The following TTYH3 variants were observed in gnomAD, a reference collection of about 807,000 sequenced individuals.
TTYH3 encodes the protein tweety family member 3.
In TTYH3, 23 loss-of-function variants were observed where a neutral mutation model predicts 68.2. The ratio of observed to expected loss-of-function variants is 0.34; its 90% CI spans 0.24 to 0.48. The LOEUF (loss-of-function observed/expected upper bound fraction) is 0.48, where lower values mean the gene tolerates loss of function less well. Ranked by LOEUF, TTYH3 falls within the 20% of genes least tolerant of loss-of-function variation. The probability of loss-of-function intolerance (pLI) is 0.99; values close to 1 mark genes in which losing one functional copy is unlikely to be tolerated. For synonymous variants in TTYH3, 360 were observed against 332.8 expected, an observed-to-expected ratio of 1.08 and a Z score of -0.89; for missense variants, 768 against 727.7, an observed-to-expected ratio of 1.06 and a Z score of -0.64.
chr7:2,650,850 G>T (rs1241167437), intron 7 of TTYH3, among the ~76,000 whole-genome samples: 1 of 152,012 alleles, frequency 6.6e-6, no homozygotes, highest in Admixed American at 6.6e-5. Context: ...GCAGGGGCTT[G>T]AATAAATGGA....
intron 1 of TTYH3, among the ~76,000 whole-genome samples, chr7:2,643,554 G>A (rs182374295): frequency 6.6e-6 from 1 of 152,220 alleles, no homozygotes; most frequent in African/African-American, 2.4e-5. Context: ...TCCCCACCGG[G>A]CATGGGCGTC....
chr7:2,658,516 C>G lies in TTYH3; in HGVS notation c.1424+57C>G, dbSNP rs949494459. The G allele has an allele frequency of 1.4e-5, 21 of 1,548,666 alleles. 1 individual carries two copies. The Admixed American group carries it at 3.6e-4, about 27-fold the overall frequency. ...GACACGTCAGCTGCGGCTGAGAGCG[C>G]GGATCTGGGCTGGGGCTAGCTCGAG... On this transcript the variant is annotated intron_variant, in intron 12 of 13. Transcript: ENST00000258796.
chr7:2,654,818 T>C (rs6461506), intron 9 of TTYH3, among the ~76,000 whole-genome samples: 25,245 of 152,220 alleles, frequency 0.17, 2,155 homozygotes, highest in Middle Eastern at 0.22. Context: ...AGAGTCTCTC[T>C]CTGTTGCCCA....
chr7:2,653,095 A>C, intron 9 of TTYH3, 85 bp downstream of exon 9: 8 of 1,318,508 alleles, frequency 6.1e-6, no homozygotes, highest in South Asian at 2.6e-5. Context: ...AACACAGCTC[A>C]GGGCAAATTT....
chr7:2,658,870 G>A (rs1786411324), intron 12 of TTYH3, 70 bp from the exon 13 acceptor site: 1 of 1,491,834 alleles, frequency 6.7e-7, no homozygotes. Context: ...CCTACCCATG[G>A]GCCCCCCGAC....
chr7:2,649,942 C>A lies in TTYH3; in HGVS notation c.825C>A (p.Asp275Glu). The A allele has an allele frequency of 6.2e-7, 1 of 1,613,988 alleles. No homozygotes were observed. The highest frequency in any genetic ancestry group is 8.5e-7 in the Non-Finnish European group (1 of 1,179,956). Residue 275 changes from aspartate to glutamate, a missense_variant, in exon 7 of 14, where the codon GAC becomes GAA. Asp to Glu is a conservative substitution (Grantham distance 45, BLOSUM62 2). Transcript: ENST00000258796. ...CCAGCGACTTCTGTGTGGACCCTGACGCCTACGTGACCAAAATGGTGGAGG... is the reference window on the plus strand; with the variant it reads ...CCAGCGACTTCTGTGTGGACCCTGAAGCCTACGTGACCAAAATGGTGGAGG... ...VGSSDFCVDPDAYVTKMVEEY... is the reference protein window; with the variant it reads ...VGSSDFCVDPEAYVTKMVEEY...
At chr7:2,651,976 G>C (rs13225657) in intron 7 of TTYH3, among the ~76,000 whole-genome samples, 1 of 151,964 alleles carries the variant, frequency 6.6e-6, no homozygotes, top group Non-Finnish European at 1.5e-5. Context: ...ACCGGCACAC[G>C]TGCACACGAA....
At chr7:2,642,599 G>A (rs575312950) in intron 1 of TTYH3, among the ~76,000 whole-genome samples, 5 of 150,656 alleles carry the variant, frequency 3.3e-5, no homozygotes, top group African/African-American at 9.7e-5. Flanking sequence ...GTGGTGATAT[G>A]TGCCTGTGGT....
chr7:2,654,622 T>G (rs1285721536), intron 9 of TTYH3, among the ~76,000 whole-genome samples: 1 of 152,132 alleles, frequency 6.6e-6, no homozygotes, highest in Non-Finnish European at 1.5e-5. Flanking sequence ...GCAGCCCAGA[T>G]GGGGCAGCCT....
intron 11 of TTYH3, among the ~76,000 whole-genome samples, chr7:2,657,306 C>T (rs6461508): frequency 0.48 from 72,731 of 151,700 alleles, 21,186 homozygotes; most frequent in African/African-American, 0.83. Flanking sequence ...ATGCTGCCAA[C>T]GATGATGGTG....
intron 1 of TTYH3, among the ~76,000 whole-genome samples, chr7:2,640,148 G>T (rs1785797663): frequency 1.3e-5 from 2 of 152,236 alleles, no homozygotes; most frequent in Non-Finnish European, 2.9e-5. Context: ...GGAGCGAGCA[G>T]CCGTGGCTGG....
chr7:2,655,410 C>T (rs767799778), intron 9 of TTYH3, among the ~76,000 whole-genome samples: 45 of 152,154 alleles, frequency 3.0e-4, no homozygotes, highest in Non-Finnish European at 6.0e-4. Flanking sequence ...CCTCCCAAAG[C>T]GCTGGGATTA....
rs1786118712 is a variant in TTYH3 at position 2,649,909 on chromosome 7, T to A, written c.796-4T>A. The A allele has an allele frequency of 6.8e-6, 11 of 1,613,702 alleles. No homozygotes were observed. The highest frequency in any genetic ancestry group is 8.5e-6 in the Non-Finnish European group (10 of 1,179,878). On this transcript the variant is annotated splice_region_variant and splice_polypyrimidine_tract_variant and intron_variant, in intron 6 of 13. Transcript: ENST00000258796. ...CCCCTCTTGCTTGCCCACGCCCACCTCAGGGCTCCAGCGACTTCTGTGTGG... is the reference window on the plus strand; with the variant it reads ...CCCCTCTTGCTTGCCCACGCCCACCACAGGGCTCCAGCGACTTCTGTGTGG...
Position 2,632,094 on chromosome 7 carries a change from C to A in TTYH3, c.-62C>A, listed in dbSNP as rs1322727787. The A allele has an allele frequency of 8.1e-6, 10 of 1,240,220 alleles. No individual in the cohort carries two copies. Among genetic ancestry groups the A allele is most frequent in the Non-Finnish European group, 1.0e-5 (10 of 990,310 alleles). The allele number at this position is 1,240,220 out of a possible 1,614,324, so 76.8% of individuals were successfully genotyped here. On this transcript the variant is annotated 5_prime_UTR_variant, in exon 1 of 14. Coordinates refer to ENST00000258796, the MANE Select transcript of TTYH3 (RefSeq NM_025250.3). ...GGTCGACGGGTCCCTGAAGCCCGCG[C>A]CCCGGGCCAGCAAGGGAGCCCCGCG...
chr7:2,661,196 G>A (rs532582966), intron 13 of TTYH3, among the ~76,000 whole-genome samples: 135 of 152,344 alleles, frequency 8.9e-4, no homozygotes, highest in South Asian at 6.0e-3. Flanking sequence ...CCTGCATGCT[G>A]TGGCCTGGCT....
chr7:2,644,746 C>T (rs144727582), intron 1 of TTYH3, among the ~76,000 whole-genome samples: 14 of 152,160 alleles, frequency 9.2e-5, no homozygotes, highest in Non-Finnish European at 1.6e-4. Context: ...TGGACCATGG[C>T]GGCTCATTTC....
Position 2,636,548 on chromosome 7 carries a change from C to T in TTYH3, c.123+4270C>T, listed in dbSNP as rs117264243. 6.5e-3 allele frequency among the ~76,000 whole-genome samples: 986 copies of T among 152,304 alleles called. 12 individuals are homozygous for T. Among genetic ancestry groups the T allele is most frequent in the East Asian group, 0.037 (192 of 5,188 alleles). On this transcript the variant is annotated intron_variant, in intron 1 of 13. Coordinates refer to ENST00000258796, the MANE Select transcript of TTYH3 (RefSeq NM_025250.3). ...ACAGATGACAGAAGCGGGCCAGACACGGAGGCCCCCGGGGAGCTGGGTGGA... is the reference window on the plus strand; with the variant it reads ...ACAGATGACAGAAGCGGGCCAGACATGGAGGCCCCCGGGGAGCTGGGTGGA...
In TTYH3 at chr7:2,661,746, C is replaced by T. The variant is rs997828547; in HGVS notation, c.*7C>T. 1.9e-6 allele frequency: 3 copies of T among 1,608,816 alleles called. No homozygotes were observed. In the African/African-American group the frequency reaches 4.0e-5, roughly 21 times the overall value. On this transcript the variant is annotated 3_prime_UTR_variant, in exon 14 of 14. Transcript: ENST00000258796. ...CTCCAGCGGCAGCCACTAGACCGCG[C>T]CCGGCAGCCACCCACCCCACGTGCC... is the stretch of plus-strand genomic sequence containing the variant.
rs1422961375 is a variant in TTYH3, at chr7:2,647,523, C to A, written c.511C>A (p.Leu171Met). The A allele has an allele frequency of 1.3e-6, 2 of 1,548,564 alleles. No homozygotes were observed. The highest frequency in any genetic ancestry group is 1.7e-6 in the Non-Finnish European group (2 of 1,148,012). The change falls in exon 4 of 14, where the codon CTG (leucine) becomes ATG (methionine). Residue 171 changes from leucine (L) to methionine (M), a missense_variant. Transcript: ENST00000258796. ...RPEPLRAVQR[L>M]QGLLETLLGY... ...CGAGCCCCTGCGAGCCGTACAGAGG[C>A]TGCAGGGCCTGCTGGAGACGCTGCT...
Sources: allele counts gnomAD v4.1 joint callset (sites outside exome capture counted in the v4.1 genomes callset), GRCh38; gene constraint gnomAD v4.1.1; transcripts MANE v1.5; gene names NCBI Gene and HGNC (gene_info 2026-07-23, HGNC 2026-07-21).